The following NRXN3 variants were observed in gnomAD, a reference collection of about 807,000 sequenced individuals.
NRXN3 encodes neurexin 3.
NRXN3 carries 32 observed loss-of-function variants against 137.6 expected under a neutral mutation model. That is an observed-to-expected ratio of 0.23 (90% confidence interval 0.18 to 0.31). NRXN3 has a LOEUF of 0.31. Among genes scored for constraint, NRXN3 ranks in the 10% least tolerant of loss-of-function variants. The pLI, the probability that NRXN3 is intolerant of heterozygous loss-of-function variation, is 1.00. For synonymous variants in NRXN3, 798 were observed against 784.5 expected (o/e 1.02, Z -0.29); for missense variants, 1,574 against 2,062.5 (o/e 0.76, Z 4.59).
At chr14:79,613,689 ATACT>A (rs2098127047) in intron 16 of NRXN3, among the ~76,000 whole-genome samples, 2 of 152,350 alleles carry the variant, frequency 1.3e-5, no homozygotes, top group South Asian at 4.1e-4. Context: ...ATGCACACAC[ATACT>A]TACTTATTTC....
chr14:79,371,945 A>G (rs141771855), intron 15 of NRXN3, among the ~76,000 whole-genome samples: 1,834 of 152,298 alleles, frequency 0.012, 33 homozygotes, highest in African/African-American at 0.042. Flanking sequence ...ATAAATAAGT[A>G]AATGTCAACC....
At chr14:78,952,897 T>C (rs193268036) in intron 10 of NRXN3, among the ~76,000 whole-genome samples, 1 of 152,230 alleles carries the variant, frequency 6.6e-6, no homozygotes, top group East Asian at 1.9e-4. Flanking sequence ...TGGTTCCCCA[T>C]ACACTTTTGG....
intron 16 of NRXN3, among the ~76,000 whole-genome samples, chr14:79,651,370 T>C (rs1376417502): frequency 6.6e-6 from 1 of 152,162 alleles, no homozygotes; most frequent in African/African-American, 2.4e-5. Flanking sequence ...AAATGAACCA[T>C]GGATGGAGAT....
chr14:78,896,810 A>G (rs568703475), intron 10 of NRXN3, among the ~76,000 whole-genome samples: 2 of 152,038 alleles, frequency 1.3e-5, no homozygotes, highest in South Asian at 2.1e-4. Flanking sequence ...AGAATAATAC[A>G]TGGAGTATTT....
chr14:78,366,664 G>A (rs1030975010), intron 4 of NRXN3, among the ~76,000 whole-genome samples: 4 of 152,164 alleles, frequency 2.6e-5, no homozygotes, highest in Non-Finnish European at 5.9e-5. Flanking sequence ...GATGGTGGCA[G>A]GCAAAGAGAG....
At position 79,259,767 on chromosome 14, in the gene NRXN3, C is replaced by T. The variant is rs1228973941; in HGVS notation, c.3263-207454C>T. On this transcript the variant is annotated intron_variant, in intron 15 of 20. Coordinates refer to ENST00000335750, the MANE Select transcript of NRXN3 (RefSeq NM_001330195.2). ...ACATATACACACACACTTAGCTTTT[C>T]TGTTTCAACTTTGAGTCATAATGTT... is the stretch of plus-strand genomic sequence containing the variant. 3.3e-5 allele frequency among the ~76,000 whole-genome samples: 5 copies of T among 150,750 alleles called. No homozygotes were observed. The East Asian group carries it at 9.8e-4, about 30-fold the overall frequency.
intron 4 of NRXN3, among the ~76,000 whole-genome samples, chr14:78,402,221 A>C (rs2092134592): frequency 6.6e-6 from 1 of 152,228 alleles, no homozygotes. Context: ...ATCTTTGAAG[A>C]AAAGATCCAC....
intron 20 of NRXN3, among the ~76,000 whole-genome samples, chr14:79,821,524 C>T (rs1021905922): frequency 6.6e-6 from 1 of 152,116 alleles, no homozygotes; most frequent in African/African-American, 2.4e-5. Flanking sequence ...GTTTTTTATT[C>T]TTTTGTTTCT....
chr14:79,101,484 ATAT>A (rs1321163443), intron 15 of NRXN3, among the ~76,000 whole-genome samples: 2 of 152,174 alleles, frequency 1.3e-5, no homozygotes, highest in Non-Finnish European at 2.9e-5. Flanking sequence ...TGGTGGAGAC[ATAT>A]TTTCTGTGGG....
At chr14:79,308,182 T>A (rs1566748266) in intron 15 of NRXN3, among the ~76,000 whole-genome samples, 1 of 151,624 alleles carries the variant, frequency 6.6e-6, no homozygotes, top group Non-Finnish European at 1.5e-5. Context: ...ACTTAGGGGG[T>A]TAGGACTTCA....
At position 78,300,244 on chromosome 14, in the gene NRXN3, G is replaced by A. The variant is rs536761023; in HGVS notation, c.757+2384G>A. ...CTTGGTCCTCATAACTCATATTAAT[G>A]TTAGGAAAATACAGGAGAACCTAGC... On this transcript the variant is annotated intron_variant, in intron 4 of 20. Coordinates refer to ENST00000335750, the MANE Select transcript of NRXN3 (RefSeq NM_001330195.2). 3.0e-4 allele frequency among the ~76,000 whole-genome samples: 46 copies of A among 152,352 alleles called. No homozygotes were observed. The East Asian group carries it at 6.2e-3, about 20-fold the overall frequency.
intron 15 of NRXN3, among the ~76,000 whole-genome samples, chr14:79,215,326 A>G (rs2068309157): frequency 6.6e-6 from 1 of 152,176 alleles, no homozygotes; most frequent in Non-Finnish European, 1.5e-5. Flanking sequence ...TATTTATTAA[A>G]TGATTAAATA....
At chr14:78,815,011 C>T (rs891438953) in intron 10 of NRXN3, among the ~76,000 whole-genome samples, 2 of 152,094 alleles carry the variant, frequency 1.3e-5, no homozygotes, top group Admixed American at 6.5e-5. Context: ...TCCTCTCAAA[C>T]GCTAATTCTT....
chr14:78,506,043 T>A (rs1342590711), intron 4 of NRXN3, among the ~76,000 whole-genome samples: 1 of 152,154 alleles, frequency 6.6e-6, no homozygotes, highest in Non-Finnish European at 1.5e-5. Flanking sequence ...AATACCATAT[T>A]ATTAACTATG....
At chr14:79,666,596 C>CTGTT (rs2098558083) in intron 17 of NRXN3, among the ~76,000 whole-genome samples, 1 of 152,038 alleles carries the variant, frequency 6.6e-6, no homozygotes, top group South Asian at 2.1e-4. Flanking sequence ...CAAGATTTTT[C>CTGTT]TGTTTCCAAT....
intron 15 of NRXN3, among the ~76,000 whole-genome samples, chr14:79,391,168 TAAA>T (rs200842360): frequency 3.3e-4 from 49 of 149,388 alleles, no homozygotes; most frequent in African/African-American, 1.2e-3. Flanking sequence ...TGGCCTACAT[TAAA>T]AAAAAAATGT....
chr14:78,683,157 T>A (rs780311426), intron 6 of NRXN3, among the ~76,000 whole-genome samples: 18 of 152,210 alleles, frequency 1.2e-4, no homozygotes, highest in Non-Finnish European at 2.2e-4. Flanking sequence ...GATTATATGT[T>A]GAAATGATAA....
intron 17 of NRXN3, among the ~76,000 whole-genome samples, chr14:79,685,944 C>G (rs2154020357): frequency 6.6e-6 from 1 of 152,282 alleles, no homozygotes; most frequent in African/African-American, 2.4e-5. Flanking sequence ...GGACGTAATA[C>G]ACCAGGGTTA....
At chr14:78,722,237 C>T (rs1204535469) in intron 8 of NRXN3, among the ~76,000 whole-genome samples, 1 of 152,130 alleles carries the variant, frequency 6.6e-6, no homozygotes, top group Admixed American at 6.5e-5. Flanking sequence ...AGGGTCAGCA[C>T]TTTGGTGCAG....
Sources: gnomAD v4.1 joint callset for allele counts (sites outside exome capture counted in the v4.1 genomes callset) on GRCh38, gnomAD v4.1.1 for gene constraint, MANE v1.5 for transcripts, NCBI Gene and HGNC (gene_info 2026-07-23, HGNC 2026-07-21) for gene names.